The following SPAG16 variants were observed in gnomAD, a reference collection of about 807,000 sequenced individuals.
SPAG16 encodes the protein sperm-associated antigen 16 protein.
SPAG16 carries 86 observed loss-of-function variants against 80.4 expected under a neutral mutation model. The ratio of observed to expected loss-of-function variants is 1.07; its 90% CI spans 0.90 to 1.28. The LOEUF is 1.28. Among genes scored for constraint, SPAG16 ranks in the 50% most tolerant of loss-of-function variants. SPAG16 has a pLI of 0.00. For synonymous variants in SPAG16, 294 were observed against 265.9 expected, an observed-to-expected ratio of 1.11 and a Z score of -1.03; for missense variants, 870 against 765.3, an observed-to-expected ratio of 1.14 and a Z score of -1.61.
chr2:213,910,922 T>C (rs1384636258), intron 11 of SPAG16, among the ~76,000 whole-genome samples: 3 of 152,204 alleles, frequency 2.0e-5, no homozygotes, highest in South Asian at 2.1e-4. Context: ...TCCAAGATCA[T>C]GTGGGGACAT....
At chr2:214,271,671 G>A (rs887860148) in intron 15 of SPAG16, among the ~76,000 whole-genome samples, 2 of 151,958 alleles carry the variant, frequency 1.3e-5, no homozygotes, top group African/African-American at 4.8e-5. Flanking sequence ...ATGGCGGTGG[G>A]TGCCTGTAAT....
rs141554697 is a variant in SPAG16 at position 213,679,338 on chromosome 2, T to A, written c.1071-183147T>A. On this transcript the variant is annotated intron_variant, in intron 10 of 15. Transcript: ENST00000331683. Reference sequence around the variant, plus strand: ...TGAATTGGTATTTCCAAGAACCAGATAATAATTACAAATTTCTATTCTTTT... The same window carrying A: ...TGAATTGGTATTTCCAAGAACCAGAAAATAATTACAAATTTCTATTCTTTT... Among the ~76,000 whole-genome samples, 144 of 152,306 alleles carry A rather than the reference T, an allele frequency of 9.5e-4. 1 individual carries two copies. Among genetic ancestry groups the A allele is most frequent in the African/African-American group, 3.4e-3 (141 of 41,590 alleles).
At chr2:214,076,365 G>C (rs2051072610) in intron 13 of SPAG16, among the ~76,000 whole-genome samples, 1 of 152,088 alleles carries the variant, frequency 6.6e-6, no homozygotes, top group Non-Finnish European at 1.5e-5. Context: ...TATTCATCCA[G>C]AAAGATCAGC....
intron 9 of SPAG16, among the ~76,000 whole-genome samples, chr2:213,421,547 A>G (rs2069589092): frequency 6.6e-6 from 1 of 152,192 alleles, no homozygotes; most frequent in Non-Finnish European, 1.5e-5. Context: ...GGCATGGCCT[A>G]AAGCCTGGGG....
chr2:214,258,999 T>C (rs1690922908), intron 15 of SPAG16, among the ~76,000 whole-genome samples: 1 of 152,140 alleles, frequency 6.6e-6, no homozygotes, highest in African/African-American at 2.4e-5. Context: ...ACTTCTTTGC[T>C]ATTAATAGTT....
chr2:214,139,673 A>G (rs1031871616), intron 14 of SPAG16, among the ~76,000 whole-genome samples: 1 of 152,158 alleles, frequency 6.6e-6, no homozygotes, highest in African/African-American at 2.4e-5. Flanking sequence ...AATTCTGAGC[A>G]CTGAACTCTG....
At chr2:213,750,606 G>A (rs944133368) in intron 10 of SPAG16, among the ~76,000 whole-genome samples, 17 of 152,170 alleles carry the variant, frequency 1.1e-4, no homozygotes, top group African/African-American at 3.9e-4. Flanking sequence ...GTTGGTCATA[G>A]TGGATGGTGA....
At chr2:214,242,650 T>TA (rs567207517) in intron 15 of SPAG16, among the ~76,000 whole-genome samples, 16 of 152,124 alleles carry the variant, frequency 1.1e-4, no homozygotes, top group Middle Eastern at 6.3e-3. Flanking sequence ...TCATTGGTTA[T>TA]AAAAAATGAA....
At chr2:213,657,770 A>G (rs1045831193) in intron 10 of SPAG16, among the ~76,000 whole-genome samples, 1 of 152,216 alleles carries the variant, frequency 6.6e-6, no homozygotes, top group Non-Finnish European at 1.5e-5. Flanking sequence ...GTTACAACCT[A>G]TTCTCTATAA....
chr2:213,364,196 T>C, intron 8 of SPAG16, 51 bp downstream of exon 8: 1 of 1,078,404 alleles, frequency 9.3e-7, no homozygotes, highest in Non-Finnish European at 1.3e-6. Context: ...TGGTGATTTC[T>C]CAACCTTATC....
chr2:213,665,978 G>C (rs1996272), intron 10 of SPAG16, among the ~76,000 whole-genome samples: 1,961 of 152,234 alleles, frequency 0.013, 18 homozygotes, highest in South Asian at 0.035. Flanking sequence ...TGTGAGAGTT[G>C]AACCATGAAG....
In SPAG16 at chr2:214,058,763, C is replaced by A. The variant is rs147139880; in HGVS notation, c.1527+44686C>A. On this transcript the variant is annotated intron_variant, in intron 13 of 15. Coordinates refer to ENST00000331683, the MANE Select transcript of SPAG16 (RefSeq NM_024532.5). ...AATGTAGTAAAGGAAGGAAAACAAA[C>A]AATATATTTATTAAAATACTGTATT... is the stretch of plus-strand genomic sequence containing the variant. Among the ~76,000 whole-genome samples the A allele has an allele frequency of 2.3e-4, 35 of 152,164 alleles. No homozygotes were observed. In the East Asian group the frequency reaches 5.4e-3, roughly 24 times the overall value.
At chr2:213,972,172 A>G (rs1575688954) in intron 12 of SPAG16, among the ~76,000 whole-genome samples, 1 of 151,808 alleles carries the variant, frequency 6.6e-6, no homozygotes, top group Middle Eastern at 3.4e-3. Flanking sequence ...GCTACTTTTC[A>G]TATGCTTATT....
chr2:213,972,271 T>C (rs1056515208), intron 12 of SPAG16, among the ~76,000 whole-genome samples: 13 of 150,482 alleles, frequency 8.6e-5, no homozygotes, highest in Admixed American at 1.3e-4. Flanking sequence ...ATATTTATTA[T>C]ACAAATTATA....
At chr2:213,432,210 A>G (rs940876873) in intron 9 of SPAG16, among the ~76,000 whole-genome samples, 1 of 152,130 alleles carries the variant, frequency 6.6e-6, no homozygotes, top group Non-Finnish European at 1.5e-5. Flanking sequence ...AACCAAATCC[A>G]AAGGTGGCAG....
chr2:213,786,485 T>A (rs1488914924), intron 10 of SPAG16, among the ~76,000 whole-genome samples: 1 of 152,194 alleles, frequency 6.6e-6, no homozygotes, highest in East Asian at 1.9e-4. Flanking sequence ...AACTGTGAGG[T>A]TAAAAACATG....
chr2:213,726,175 A>C (rs1269937838), intron 10 of SPAG16, among the ~76,000 whole-genome samples: 8 of 152,354 alleles, frequency 5.3e-5, no homozygotes, highest in African/African-American at 1.9e-4. Flanking sequence ...TGGGGCATTA[A>C]AACTTTCCAG....
chr2:214,345,459 T>G (rs924812437), intron 15 of SPAG16, among the ~76,000 whole-genome samples: 2 of 152,186 alleles, frequency 1.3e-5, no homozygotes, highest in Admixed American at 6.5e-5. Context: ...TTTTTTTAAT[T>G]TCTTGCCTAA....
chr2:213,705,502 G>C (rs556320333), intron 10 of SPAG16, among the ~76,000 whole-genome samples: 26 of 152,104 alleles, frequency 1.7e-4, no homozygotes, highest in African/African-American at 6.3e-4. Flanking sequence ...AAGGGTGGGG[G>C]AAAGAAGGAA....
Sources: allele counts gnomAD v4.1 joint callset (sites outside exome capture counted in the v4.1 genomes callset), GRCh38; gene constraint gnomAD v4.1.1; transcripts MANE v1.5; gene names NCBI Gene and HGNC (gene_info 2026-07-23, HGNC 2026-07-21).